GLRA3: variants seen among roughly 807,000 people sequenced by gnomAD.
GLRA3 encodes the protein glycine receptor alpha 3, also known as glycine receptor subunit alpha-3.
A neutral mutation model predicts 60.4 loss-of-function variants in GLRA3; 44 were observed. The ratio of observed to expected loss-of-function variants is 0.73; its 90% CI spans 0.57 to 0.94. The LOEUF is 0.94. Ranked by LOEUF, GLRA3 falls within the 40% of genes least tolerant of loss-of-function variation. The pLI, the probability that GLRA3 is intolerant of heterozygous loss-of-function variation, is 0.00. For synonymous variants in GLRA3, 223 were observed against 192.9 expected, an observed-to-expected ratio of 1.16 and a Z score of -1.29; for missense variants, 508 against 564.6, an observed-to-expected ratio of 0.90 and a Z score of 1.02.
At chr4:174,757,647 T>C (rs559582328) in intron 3 of GLRA3, among the ~76,000 whole-genome samples, 17 of 152,342 alleles carry the variant, frequency 1.1e-4, no homozygotes, top group African/African-American at 3.6e-4. Flanking sequence ...CAAGAGTCTA[T>C]ATTGATATGA....
intron 6 of GLRA3, among the ~76,000 whole-genome samples, chr4:174,681,077 C>T (rs1226366051): frequency 1.3e-5 from 2 of 152,188 alleles, no homozygotes; most frequent in African/African-American, 4.8e-5. Context: ...TATTTTGCTT[C>T]TGGACAGTAC....
rs751090125 is a variant in GLRA3, at chr4:174,790,825, C to CAAA, written c.72-1885_72-1883dup. Among the ~76,000 whole-genome samples, 303 of 65,078 alleles carry CAAA rather than the reference C, an allele frequency of 4.7e-3. 12 individuals are homozygous for CAAA. Among genetic ancestry groups the CAAA allele is most frequent in the African/African-American group, 0.017 (237 of 14,086 alleles). 42.7% of individuals were successfully genotyped at this position (65,078 alleles called of 152,430 possible). On this transcript the variant is annotated intron_variant, in intron 1 of 9. Coordinates refer to ENST00000274093, the MANE Select transcript of GLRA3 (RefSeq NM_006529.4). Reference sequence around the variant, plus strand: ...GAAACCGGGTCTCTACTAAAAAATACAAAAAAAAAAAAAAAAAAAAAGAAA... The same window carrying CAAA: ...GAAACCGGGTCTCTACTAAAAAATACAAAAAAAAAAAAAAAAAAAAAAAAGAAA...
intron 1 of GLRA3, among the ~76,000 whole-genome samples, chr4:174,814,978 C>T (rs1300056688): frequency 6.6e-6 from 1 of 152,184 alleles, no homozygotes; most frequent in Non-Finnish European, 1.5e-5. Flanking sequence ...AGTCTAAAGT[C>T]TCATAAGTGA....
chr4:174,812,452 T>G, intron 1 of GLRA3, among the ~76,000 whole-genome samples: 1 of 152,154 alleles, frequency 6.6e-6, no homozygotes, highest in East Asian at 1.9e-4. Flanking sequence ...CATTCTATCT[T>G]AAGTATATTC....
At chr4:174,797,923 C>CAAAAAAAAAAAAAAAAAAAAA (rs200168895) in intron 1 of GLRA3, among the ~76,000 whole-genome samples, 1 of 126,420 alleles carries the variant, frequency 7.9e-6, no homozygotes. Context: ...GACCCTATCT[C>CAAAAAAAAAAAAAAAAAAAAA]AAAAAAAAAA....
At chr4:174,655,451 A>G (rs74957364) in intron 9 of GLRA3, among the ~76,000 whole-genome samples, 2,497 of 152,226 alleles carry the variant, frequency 0.016, 73 homozygotes, top group African/African-American at 0.056. Flanking sequence ...TTGACTTCCC[A>G]TAAGATAAGC....
intron 5 of GLRA3, among the ~76,000 whole-genome samples, chr4:174,702,743 T>C (rs982433607): frequency 1.4e-4 from 22 of 152,194 alleles, no homozygotes; most frequent in African/African-American, 5.1e-4. Context: ...AATTTTTTAA[T>C]TTTTTGTAGA....
At position 174,781,011 on chromosome 4, in the gene GLRA3, A is replaced by AT. The variant is rs1214172921; in HGVS notation, c.199+7804dup. ...TCCACCCCAAATCAACAGAATATAC[A>AT]TTTTTTTCAGCACCGTACCACACCT... On this transcript the variant is annotated intron_variant, in intron 2 of 9. Coordinates refer to ENST00000274093, the MANE Select transcript of GLRA3 (RefSeq NM_006529.4). Among the ~76,000 whole-genome samples, 21 of 152,284 alleles carry AT rather than the reference A, an allele frequency of 1.4e-4. No homozygotes were observed. In the East Asian group the frequency reaches 3.5e-3, roughly 25 times the overall value.
intron 6 of GLRA3, among the ~76,000 whole-genome samples, chr4:174,682,459 A>G (rs1306795853): frequency 6.6e-6 from 1 of 152,222 alleles, no homozygotes; most frequent in African/African-American, 2.4e-5. Context: ...TTCTTAACAG[A>G]TACAGTGTTT....
intron 5 of GLRA3, among the ~76,000 whole-genome samples, chr4:174,705,865 C>A (rs1735495766): frequency 6.6e-6 from 1 of 151,864 alleles, no homozygotes; most frequent in African/African-American, 2.4e-5. Context: ...GCAATACAAA[C>A]GTTATCAGAA....
In GLRA3 at chr4:174,665,920, T is replaced by G. The variant is rs1373357776; in HGVS notation, c.928-6723A>C. On this transcript the variant is annotated intron_variant, in intron 7 of 9. Coordinates refer to ENST00000274093, the MANE Select transcript of GLRA3 (RefSeq NM_006529.4). ...GGAAATGCTCTTCATACAGTAGTGT[T>G]CATATGGTAACACTTAATCCCCACA... Among the ~76,000 whole-genome samples the G allele has an allele frequency of 2.0e-5, 3 of 152,150 alleles. No individual in the cohort carries two copies. The South Asian group carries it at 6.2e-4, about 31-fold the overall frequency.
intron 6 of GLRA3, among the ~76,000 whole-genome samples, chr4:174,677,526 A>ATTT (rs779270533): frequency 1.8e-4 from 27 of 146,426 alleles, no homozygotes; most frequent in Non-Finnish European, 3.2e-4. Flanking sequence ...AGCCCGGCTA[A>ATTT]TTTTTTTTTT....
chr4:174,697,019 C>T (rs1735083919), intron 5 of GLRA3, among the ~76,000 whole-genome samples: 1 of 152,114 alleles, frequency 6.6e-6, no homozygotes, highest in Non-Finnish European at 1.5e-5. Context: ...AAATTTATTA[C>T]ATTATCACTT....
chr4:174,733,871 G>A (rs896287328), intron 3 of GLRA3, among the ~76,000 whole-genome samples: 1 of 152,120 alleles, frequency 6.6e-6, no homozygotes, highest in African/African-American at 2.4e-5. Context: ...GGCCACATCA[G>A]ACTGACCATC....
intron 1 of GLRA3, among the ~76,000 whole-genome samples, chr4:174,806,242 C>A (rs542393766): frequency 1.3e-5 from 2 of 152,012 alleles, no homozygotes; most frequent in South Asian, 4.1e-4. Flanking sequence ...TCGCTGCATG[C>A]GTAAGACTTT....
chr4:174,706,596 A>C (rs147617695), intron 5 of GLRA3, among the ~76,000 whole-genome samples: 5,232 of 152,324 alleles, frequency 0.034, 120 homozygotes, highest in Non-Finnish European at 0.054. Flanking sequence ...AATGCAAACA[A>C]AAAAGGGATC....
In GLRA3 at chr4:174,668,388, A is replaced by G. The variant is rs995756273; in HGVS notation, c.927+8690T>C. Among the ~76,000 whole-genome samples, 4 of 152,324 alleles carry G rather than the reference A, an allele frequency of 2.6e-5. No homozygotes were observed. In the South Asian group the frequency reaches 8.3e-4, roughly 32 times the overall value. ...TATTGAATAGCAGTAATTTTGGATC[A>G]TATTCCTTAACAAGTACATTGAGTG... On this transcript the variant is annotated intron_variant, in intron 7 of 9. Coordinates refer to ENST00000274093, the MANE Select transcript of GLRA3 (RefSeq NM_006529.4).
intron 3 of GLRA3, among the ~76,000 whole-genome samples, chr4:174,730,264 C>G (rs1176325465): frequency 6.6e-6 from 1 of 152,156 alleles, no homozygotes; most frequent in Non-Finnish European, 1.5e-5. Context: ...CACCAGGAAG[C>G]ACAGCTCCAT....
chr4:174,642,266 AG>A lies in GLRA3; in HGVS notation c.*1519del. On this transcript the variant is annotated 3_prime_UTR_variant, in exon 10 of 10. Transcript: ENST00000274093. ...TTGCTTTTAATTTGAAAGTGGTTGA[AG>A]GGTAGAAAATAGCATCTTGTTAAAG... 2 of 939,188 alleles carry A rather than the reference AG, an allele frequency of 2.1e-6. No homozygotes were observed. The highest frequency in any genetic ancestry group is 9.8e-5 in the South Asian group (2 of 20,366). 58.2% of individuals were successfully genotyped at this position (939,188 alleles called of 1,614,324 possible).
Sources: allele counts gnomAD v4.1 joint callset (sites outside exome capture counted in the v4.1 genomes callset), GRCh38; gene constraint gnomAD v4.1.1; transcripts MANE v1.5; gene names NCBI Gene and HGNC (gene_info 2026-07-23, HGNC 2026-07-21).